The following NHSL1 variants were observed in gnomAD, a reference collection of about 807,000 sequenced individuals.
The protein encoded by NHSL1 is NHS-like protein 1.
NHSL1 carries 48 observed loss-of-function variants against 95.0 expected under a neutral mutation model. That is an observed-to-expected ratio of 0.51 (90% confidence interval 0.40 to 0.64). The LOEUF (loss-of-function observed/expected upper bound fraction) is 0.64. Among genes scored for constraint, NHSL1 ranks in the 30% least tolerant of loss-of-function variants. The pLI, the probability that NHSL1 is intolerant of heterozygous loss-of-function variation, is 0.00. For missense variants in NHSL1, 1,971 were observed against 2,077.7 expected, an observed-to-expected ratio of 0.95 and a Z score of 1.00; for synonymous variants, 783 against 833.9, an observed-to-expected ratio of 0.94 and a Z score of 1.05.
intron 1 of NHSL1, among the ~76,000 whole-genome samples, chr6:138,645,333 C>T (rs1785003571): frequency 6.6e-6 from 1 of 152,114 alleles, no homozygotes. Context: ...TTCTCCGGCT[C>T]CTCTCCCATC....
At chr6:138,618,361 T>C (rs1298261084) in intron 1 of NHSL1, among the ~76,000 whole-genome samples, 2 of 152,232 alleles carry the variant, frequency 1.3e-5, no homozygotes, top group Non-Finnish European at 2.9e-5. Flanking sequence ...AAACCTGATT[T>C]AAAACCACTG....
rs374210333 is a variant in NHSL1, at chr6:138,652,430, A to G, written c.96+40046T>C. On this transcript the variant is annotated intron_variant, in intron 1 of 3. Coordinates refer to the NHSL1 transcript ENST00000491526. ...ACTCCAGCCTGGGCAACAAGAGTGAAACTCTATCTCAAAAAAAAAAAAAAA... is the reference window on the plus strand; with the variant it reads ...ACTCCAGCCTGGGCAACAAGAGTGAGACTCTATCTCAAAAAAAAAAAAAAA... 6.9e-3 allele frequency among the ~76,000 whole-genome samples: 1,036 copies of G among 150,960 alleles called. 10 individuals carry two copies. Among genetic ancestry groups the G allele is most frequent in the African/African-American group, 0.022 (900 of 40,824 alleles).
chr6:138,564,857 G>A (rs1047069118), intron 1 of NHSL1, among the ~76,000 whole-genome samples: 1 of 152,154 alleles, frequency 6.6e-6, no homozygotes, highest in South Asian at 2.1e-4. Flanking sequence ...TTTAAAGCGA[G>A]TCTAGAAGGA....
intron 1 of NHSL1, among the ~76,000 whole-genome samples, chr6:138,672,770 G>A (rs946037085): frequency 6.6e-6 from 1 of 152,248 alleles, no homozygotes; most frequent in Admixed American, 6.5e-5. Context: ...TGTAATCTCA[G>A]CACTTTGGGA....
chr6:138,430,417 A>G lies in NHSL1; in HGVS notation c.3928T>C (p.Cys1310Arg). 6.7e-7 allele frequency: 1 copy of G among 1,492,916 alleles called. No homozygotes were observed. Among genetic ancestry groups the G allele is most frequent in the Non-Finnish European group, 9.0e-7 (1 of 1,115,060 alleles). 92.5% of individuals were successfully genotyped at this position (1,492,916 alleles called of 1,614,324 possible). Residue 1310 changes from cysteine to arginine, a missense_variant, in exon 6 of 8, where the codon TGC becomes CGC. This residue lies in a region of NHSL1 where 146 missense variants were observed against 206.3 expected (regional missense o/e 0.71). Transcript: ENST00000343505. This position sits in a 1 kb window ranked among gnomAD's most constrained non-coding sequence, Gnocchi z 4.7. ...SADTGGDGESCLSQQDGAAGV... is the reference protein window; with the variant it reads ...SADTGGDGESRLSQQDGAAGV... ...CCTGCTCCGTCCTGTTGAGATAGGC[A>G]GCTCTCCCCATCGCCCCCAGTATCC... is the stretch of plus-strand genomic sequence containing the variant.
chr6:138,634,339 T>A (rs904361187), intron 1 of NHSL1, among the ~76,000 whole-genome samples: 2 of 151,922 alleles, frequency 1.3e-5, no homozygotes, highest in South Asian at 4.2e-4. Context: ...AAGACACACA[T>A]AGACCAAAAA....
intron 1 of NHSL1, among the ~76,000 whole-genome samples, chr6:138,679,550 T>C (rs1464527472): frequency 6.6e-6 from 1 of 152,174 alleles, no homozygotes; most frequent in Non-Finnish European, 1.5e-5. Context: ...GAAAAACACA[T>C]CTACTCCTAA....
chr6:138,631,937 C>A (rs866267497), intron 1 of NHSL1, among the ~76,000 whole-genome samples: 1 of 152,160 alleles, frequency 6.6e-6, no homozygotes, highest in Non-Finnish European at 1.5e-5. Flanking sequence ...GATTCTAGAA[C>A]TTGGCTCTTG....
chr6:138,634,446 A>G (rs2114667433), intron 1 of NHSL1, among the ~76,000 whole-genome samples: 2 of 152,292 alleles, frequency 1.3e-5, no homozygotes, highest in Middle Eastern at 3.4e-3. Flanking sequence ...TCAAGACAAA[A>G]ACTATAAGAG....
chr6:138,459,189 T>C (rs912402683), intron 3 of NHSL1, among the ~76,000 whole-genome samples: 1 of 152,146 alleles, frequency 6.6e-6, no homozygotes, highest in African/African-American at 2.4e-5. Flanking sequence ...GGTTTCGCCA[T>C]GTTGGCCAGG....
intron 1 of NHSL1, among the ~76,000 whole-genome samples, chr6:138,671,315 T>C (rs1785366847): frequency 6.6e-6 from 1 of 151,448 alleles, no homozygotes; most frequent in Non-Finnish European, 1.5e-5. Context: ...CCGGGCATGA[T>C]GACGTGCGCC....
At chr6:138,638,377 AATGG>A (rs1326364158) in intron 1 of NHSL1, among the ~76,000 whole-genome samples, 1 of 152,194 alleles carries the variant, frequency 6.6e-6, no homozygotes, top group Non-Finnish European at 1.5e-5. Flanking sequence ...ATGCTTGAGG[AATGG>A]ATGGATAGCT....
At chr6:138,443,023 A>T (rs1006423834) in intron 4 of NHSL1, among the ~76,000 whole-genome samples, 17 of 151,330 alleles carry the variant, frequency 1.1e-4, no homozygotes, top group African/African-American at 3.9e-4. Context: ...TCAAATATAC[A>T]TATATATATA....
Position 138,447,133 on chromosome 6 carries a change from C to G in NHSL1, c.400G>C (p.Ala134Pro). Residue 134 changes from alanine (A) to proline (P), a missense_variant, in exon 4 of 8, where the codon GCC becomes CCC. By Grantham distance (27) the Ala-to-Pro change is conservative (BLOSUM62 -1). Around this residue, in one of 3 missense-constraint regions of NHSL1, gnomAD observed 1,602 missense variants for 1,654.5 expected, o/e 0.97. Transcript: ENST00000343505. ...TTAAGGTCGGAGAAGTCACTTGAGG[C>G]TGGTGTTTTAGGTCTCCTGATGGAA... is the stretch of plus-strand genomic sequence containing the variant. ...FISIRRPKTP[A>P]SSDFSDLNTQ... The G allele has an allele frequency of 6.4e-7, 1 of 1,551,772 alleles. No homozygotes were observed. The highest frequency in any genetic ancestry group is 8.7e-7 in the Non-Finnish European group (1 of 1,147,000).
intron 1 of NHSL1, among the ~76,000 whole-genome samples, chr6:138,584,309 G>T (rs1218785747): frequency 7.4e-6 from 1 of 135,476 alleles, no homozygotes. Flanking sequence ...TTGATTAAGG[G>T]CATAGCTGTT....
chr6:138,673,109 A>G (rs1785400520), intron 1 of NHSL1, among the ~76,000 whole-genome samples: 1 of 152,144 alleles, frequency 6.6e-6, no homozygotes, highest in Non-Finnish European at 1.5e-5. Context: ...CCATTAGCTC[A>G]AATATCAAGA....
intron 1 of NHSL1, among the ~76,000 whole-genome samples, chr6:138,545,307 C>T (rs1319214467): frequency 6.6e-6 from 1 of 152,050 alleles, no homozygotes; most frequent in East Asian, 1.9e-4. Flanking sequence ...GTAAACTATT[C>T]CTATATTTAT....
chr6:138,428,709 A>G (rs1775425848), intron 7 of NHSL1, among the ~76,000 whole-genome samples: 1 of 152,204 alleles, frequency 6.6e-6, no homozygotes, highest in Non-Finnish European at 1.5e-5. Flanking sequence ...GGGAGAGTCC[A>G]AGAATTGGGA....
intron 1 of NHSL1, among the ~76,000 whole-genome samples, chr6:138,669,872 G>A (rs1029974099): frequency 4.6e-5 from 7 of 152,098 alleles, no homozygotes; most frequent in Non-Finnish European, 8.8e-5. Context: ...TGTAATCCTA[G>A]CACTTTGGGA....
Sources: gnomAD v4.1 joint callset for allele counts (sites outside exome capture counted in the v4.1 genomes callset) on GRCh38, gnomAD v4.1.1 for gene constraint, gnomAD v4.1.1 regional missense constraint, Gnocchi (gnomAD v3.1) non-coding constraint, MANE v1.5 for transcripts, NCBI Gene and HGNC (gene_info 2026-07-23, HGNC 2026-07-21) for gene names.